Variants in BAZ2B observed in about 807,000 individuals in gnomAD.
The protein encoded by BAZ2B is bromodomain adjacent to zinc finger domain 2B, also known as bromodomain adjacent to zinc finger domain protein 2B.
BAZ2B carries 91 observed loss-of-function variants against 246.0 expected under a neutral mutation model. The ratio of observed to expected loss-of-function variants is 0.37; its 90% CI spans 0.31 to 0.44. BAZ2B has a LOEUF of 0.44. BAZ2B is among the 20% of genes least tolerant of loss of function. BAZ2B has a pLI of 1.00. For synonymous variants in BAZ2B, 855 were observed against 860.0 expected, an observed-to-expected ratio of 0.99 and a Z score of 0.10; for missense variants, 2,332 against 2,533.7, an observed-to-expected ratio of 0.92 and a Z score of 1.71.
intron 31 of BAZ2B, among the ~76,000 whole-genome samples, chr2:159,338,441 CT>C (rs1455272180): frequency 1.3e-5 from 2 of 152,078 alleles, no homozygotes; most frequent in Non-Finnish European, 2.9e-5. Context: ...TATTTTTCTA[CT>C]TCTAAATTCC....
At chr2:159,652,015 G>GT in the BAZ2B span, among the ~76,000 whole-genome samples, 6 of 151,954 alleles carry the variant, frequency 3.9e-5, no homozygotes, top group Admixed American at 2.0e-4. Flanking sequence ...TCATATACAC[G>GT]TTTTTTGTGT....
chr2:159,668,111 T>A, the BAZ2B span, among the ~76,000 whole-genome samples: 1 of 152,176 alleles, frequency 6.6e-6, no homozygotes, highest in Non-Finnish European at 1.5e-5. Flanking sequence ...TTTTGTTATA[T>A]TTATTCCTAT....
At chr2:159,672,017 T>C in the BAZ2B span, among the ~76,000 whole-genome samples, 82 of 152,340 alleles carry the variant, frequency 5.4e-4, 3 homozygotes, top group East Asian at 0.014. Context: ...TGTGTACATA[T>C]TGTTATGTTA....
chr2:159,342,263 T>C lies in BAZ2B; in HGVS notation c.5455-4491A>G, dbSNP rs77767375. On this transcript the variant is annotated intron_variant, in intron 31 of 36. Transcript: ENST00000392783. The stretch of plus-strand genomic sequence containing the variant: ...ATACTGCCCAAAGCAATTTACAGAT[T>C]CAATGCTATTCCTATAAAACTACCA... Among the ~76,000 whole-genome samples the C allele has an allele frequency of 6.4e-4, 97 of 152,284 alleles. No homozygotes were observed. The East Asian group carries it at 0.017, about 27-fold the overall frequency.
intron 1 of BAZ2B, among the ~76,000 whole-genome samples, chr2:159,593,054 T>C (rs1395297063): frequency 6.6e-6 from 1 of 152,190 alleles, no homozygotes; most frequent in Admixed American, 6.5e-5. Context: ...TCATGCCAAA[T>C]GGGCTTACTC....
chr2:159,535,545 C>A (rs907738098), intron 2 of BAZ2B, among the ~76,000 whole-genome samples: 1 of 152,046 alleles, frequency 6.6e-6, no homozygotes. Context: ...GAAAAATACA[C>A]CTTTATTTTA....
intron 2 of BAZ2B, among the ~76,000 whole-genome samples, chr2:159,523,235 T>C (rs560903805): frequency 1.7e-4 from 26 of 152,012 alleles, no homozygotes; most frequent in Non-Finnish European, 3.5e-4. Context: ...ACCTGGTCTC[T>C]ACAAAAAATA....
chr2:159,534,786 T>C (rs2085758414), intron 2 of BAZ2B, among the ~76,000 whole-genome samples: 2 of 152,164 alleles, frequency 1.3e-5, no homozygotes, highest in African/African-American at 4.8e-5. Context: ...TTTGTATTTT[T>C]AGTAGATAAG....
At chr2:159,377,812 C>CAAAAAAA (rs35570732) in intron 25 of BAZ2B, among the ~76,000 whole-genome samples, 2,738 of 93,820 alleles carry the variant, frequency 0.029, 109 homozygotes, top group African/African-American at 0.1. Context: ...ACTCTGTCTC[C>CAAAAAAA]AAAAAAAAAA....
At chr2:159,710,154 T>C in the BAZ2B span, among the ~76,000 whole-genome samples, 1 of 152,244 alleles carries the variant, frequency 6.6e-6, no homozygotes, top group Non-Finnish European at 1.5e-5. Context: ...TAAGAAACTA[T>C]GGTCATTTTC....
At chr2:159,509,618 G>C (rs972929200) in intron 2 of BAZ2B, among the ~76,000 whole-genome samples, 1 of 152,128 alleles carries the variant, frequency 6.6e-6, no homozygotes, top group African/African-American at 2.4e-5. Flanking sequence ...TCTGGAAACA[G>C]TTTTGTGGTT....
intron 33 of BAZ2B, among the ~76,000 whole-genome samples, chr2:159,336,119 C>A (rs1002845243): frequency 6.6e-6 from 1 of 152,152 alleles, no homozygotes; most frequent in Non-Finnish European, 1.5e-5. Context: ...CAAGATTGTG[C>A]CACTGCACTC....
the BAZ2B span, among the ~76,000 whole-genome samples, chr2:159,708,356 G>A: frequency 1.3e-5 from 2 of 152,162 alleles, no homozygotes; most frequent in African/African-American, 4.8e-5. Context: ...TTCAGGCAGT[G>A]TGCAAGGTTT....
the BAZ2B span, among the ~76,000 whole-genome samples, chr2:159,645,278 AGT>A: frequency 5.4e-4 from 82 of 151,212 alleles, no homozygotes; most frequent in East Asian, 2.3e-3. Context: ...CTCTAAAAAA[AGT>A]TTTTTTTTTT....
chr2:159,705,001 T>C, the BAZ2B span, among the ~76,000 whole-genome samples: 10,724 of 147,736 alleles, frequency 0.073, 487 homozygotes, highest in East Asian at 0.14. Context: ...CAGCCTCGTC[T>C]GGCCTTTTTT....
intron 1 of BAZ2B, among the ~76,000 whole-genome samples, chr2:159,591,348 G>A (rs1043885453): frequency 1.3e-5 from 2 of 152,112 alleles, no homozygotes; most frequent in Admixed American, 1.3e-4. Flanking sequence ...GTTGTAATGG[G>A]ACATGGTAAC....
intron 4 of BAZ2B, 79 bp downstream of exon 4, chr2:159,453,534 T>G: frequency 7.7e-6 from 11 of 1,424,080 alleles, no homozygotes; most frequent in Non-Finnish European, 9.3e-6. Context: ...CTATTCCTTT[T>G]GTTCAATAGA....
At chr2:159,577,837 A>G (rs1221229988) in intron 1 of BAZ2B, among the ~76,000 whole-genome samples, 1 of 152,192 alleles carries the variant, frequency 6.6e-6, no homozygotes, top group Non-Finnish European at 1.5e-5. Context: ...AACACACTGA[A>G]ACTTATAATA....
intron 1 of BAZ2B, among the ~76,000 whole-genome samples, chr2:159,556,707 C>G (rs990909599): frequency 1.3e-5 from 2 of 152,144 alleles, no homozygotes; most frequent in Non-Finnish European, 2.9e-5. Context: ...AGTGATCCAC[C>G]TACTTTGACC....
Sources: allele counts gnomAD v4.1 joint callset (sites outside exome capture counted in the v4.1 genomes callset), GRCh38; gene constraint gnomAD v4.1.1; transcripts MANE v1.5; gene names NCBI Gene and HGNC (gene_info 2026-07-23, HGNC 2026-07-21).